BEND7: variants seen among roughly 807,000 people sequenced by gnomAD.
BEND7 encodes BEN domain containing 7, also known as BEN domain-containing protein 7.
Under a neutral mutation model 50.9 loss-of-function variants are expected in BEND7, and 28 were observed. The ratio of observed to expected loss-of-function variants is 0.55; its 90% CI spans 0.41 to 0.75. The LOEUF (loss-of-function observed/expected upper bound fraction) is 0.75, where lower values mean the gene tolerates loss of function less well. Ranked by LOEUF, BEND7 falls within the 30% of genes least tolerant of loss-of-function variation. BEND7 has a pLI of 0.00. For synonymous variants in BEND7, 170 were observed against 183.9 expected, an observed-to-expected ratio of 0.92 and a Z score of 0.61; for missense variants, 477 against 491.3, an observed-to-expected ratio of 0.97 and a Z score of 0.28.
At chr10:13,485,005 TG>T (rs749013262) in intron 5 of BEND7, among the ~76,000 whole-genome samples, 36 of 152,314 alleles carry the variant, frequency 2.4e-4, no homozygotes, top group Non-Finnish European at 4.1e-4. Context: ...GCATTTCAAC[TG>T]TGGTCTCCCT....
chr10:13,474,724 G>A (rs1030848658), intron 6 of BEND7, among the ~76,000 whole-genome samples: 7 of 152,068 alleles, frequency 4.6e-5, no homozygotes, highest in Non-Finnish European at 8.8e-5. Context: ...ATCAGTGTTG[G>A]ACTCGGGTCG....
intron 6 of BEND7, among the ~76,000 whole-genome samples, chr10:13,463,469 C>G (rs558315869): frequency 1.3e-5 from 2 of 152,214 alleles, no homozygotes; most frequent in South Asian, 4.2e-4. Flanking sequence ...GTGAGAGGAG[C>G]TCAGACTATG....
At position 13,455,045 on chromosome 10, in the gene BEND7, G is replaced by A. The variant is rs144218359; in HGVS notation, c.1064-2387C>T. Among the ~76,000 whole-genome samples, 1,208 of 152,194 alleles carry A rather than the reference G, an allele frequency of 7.9e-3. 5 individuals carry two copies. Among genetic ancestry groups the A allele is most frequent in the Non-Finnish European group, 0.013 (905 of 68,008 alleles). On this transcript the variant is annotated intron_variant, in intron 6 of 8. Coordinates refer to ENST00000466271, the MANE Select transcript of BEND7 (RefSeq NM_001369863.1). The stretch of plus-strand genomic sequence containing the variant: ...ACATTAGCCGGGCATGGTGGCACGC[G>A]CCTGCAGTCCCAGCTACTCAGAAGG...
At position 13,496,740 on chromosome 10, in the gene BEND7, C is replaced by T. The variant is rs753617899; in HGVS notation, c.571+26G>A. On this transcript the variant is annotated intron_variant, in intron 4 of 8. Transcript: ENST00000466271. ...CAGATATGCATTAAAAATCAAAGGA[C>T]TCATTCCGAGGCCTGATCCTTGTAC... 3.7e-6 allele frequency: 6 copies of T among 1,603,220 alleles called. No individual in the cohort carries two copies. In the South Asian group the frequency reaches 6.8e-5, roughly 18 times the overall value.
chr10:13,501,064 G>A (rs570441506), intron 2 of BEND7, among the ~76,000 whole-genome samples: 1 of 152,330 alleles, frequency 6.6e-6, no homozygotes, highest in East Asian at 1.9e-4. Context: ...AAAGATGTCT[G>A]TAATATTGCA....
At chr10:13,480,388 G>A (rs907436808) in intron 6 of BEND7, among the ~76,000 whole-genome samples, 7 of 152,266 alleles carry the variant, frequency 4.6e-5, no homozygotes, top group East Asian at 1.9e-4. Flanking sequence ...GGAGAAGAGC[G>A]GGCCAGGCAT....
intron 2 of BEND7, among the ~76,000 whole-genome samples, chr10:13,514,484 CTTT>C: frequency 6.6e-6 from 1 of 152,318 alleles, no homozygotes; most frequent in East Asian, 1.9e-4. Flanking sequence ...TCTCCATCTT[CTTT>C]CCAGTTCATT....
intron 2 of BEND7, among the ~76,000 whole-genome samples, chr10:13,512,316 T>C (rs905157384): frequency 6.6e-6 from 1 of 152,128 alleles, no homozygotes; most frequent in Non-Finnish European, 1.5e-5. Context: ...GCCTGTTAGT[T>C]CTACAAAAGC....
intron 7 of BEND7, 152 bp from the exon 8 acceptor site, chr10:13,447,468 G>T: frequency 1.8e-5 from 9 of 498,538 alleles, no homozygotes; most frequent in Non-Finnish European, 2.8e-5. Context: ...TCATATTACA[G>T]ATGTTAATAT....
chr10:13,519,580 A>C (rs1198525274), intron 2 of BEND7, among the ~76,000 whole-genome samples: 1 of 152,230 alleles, frequency 6.6e-6, no homozygotes, highest in East Asian at 1.9e-4. Context: ...CAGTTTGAAA[A>C]AGCGTTTTAC....
At chr10:13,513,227 C>T (rs2078413539) in intron 2 of BEND7, among the ~76,000 whole-genome samples, 1 of 152,158 alleles carries the variant, frequency 6.6e-6, no homozygotes, top group African/African-American at 2.4e-5. Flanking sequence ...GTGTGCAAAA[C>T]ATTGCCTTCA....
chr10:13,450,962 C>T (rs897267511), intron 7 of BEND7, among the ~76,000 whole-genome samples: 19 of 151,984 alleles, frequency 1.3e-4, no homozygotes, highest in African/African-American at 4.1e-4. Flanking sequence ...CTACTGCATG[C>T]GTGCCTGCTT....
At chr10:13,498,150 A>G (rs558906206) in intron 3 of BEND7, among the ~76,000 whole-genome samples, 24 of 139,488 alleles carry the variant, frequency 1.7e-4, no homozygotes, top group Middle Eastern at 3.9e-3. Context: ...ATCTTGGTTC[A>G]CTGCAACCCC....
intron 5 of BEND7, among the ~76,000 whole-genome samples, chr10:13,481,493 A>C (rs777644597): frequency 2.0e-5 from 3 of 152,228 alleles, no homozygotes; most frequent in Non-Finnish European, 4.4e-5. Context: ...CATAAAAAAA[A>C]AGATTGAGAA....
At chr10:13,443,438 C>T (rs772766516) in intron 8 of BEND7, 8 of 152,794 alleles carry the variant, frequency 5.2e-5, no homozygotes, top group South Asian at 4.1e-4. Context: ...GGCGGAGAGC[C>T]GCTTCTCTAA....
intron 7 of BEND7, among the ~76,000 whole-genome samples, 190 bp downstream of exon 7, chr10:13,452,349 A>C (rs1487385298): frequency 2.0e-5 from 3 of 152,208 alleles, no homozygotes; most frequent in Non-Finnish European, 4.4e-5. Context: ...CATAATTTTT[A>C]CTATTTAGTC....
Position 13,452,499 on chromosome 10 carries a change from T to TA in BEND7, c.1183+39dup, listed in dbSNP as rs773420559. On this transcript the variant is annotated intron_variant, in intron 7 of 8. Coordinates refer to ENST00000466271, the MANE Select transcript of BEND7 (RefSeq NM_001369863.1). ...GTACTTTATAAAGTCTAAGAATTCA[T>TA]AAGTGCTTCTCCAATTATTTTTCTG... The TA allele has an allele frequency of 5.7e-6, 9 of 1,572,014 alleles. No individual in the cohort carries two copies. The Admixed American group carries it at 1.7e-4, about 30-fold the overall frequency.
chr10:13,457,331 C>A (rs1564525381), intron 6 of BEND7, among the ~76,000 whole-genome samples: 1 of 152,204 alleles, frequency 6.6e-6, no homozygotes, highest in East Asian at 1.9e-4. Context: ...CCTTTCTAGT[C>A]CAACCTTGAG....
chr10:13,440,430 T>C (rs540776623), downstream of BEND7, among the ~76,000 whole-genome samples: 34 of 152,344 alleles, frequency 2.2e-4, no homozygotes, highest in African/African-American at 7.7e-4. Flanking sequence ...TGTGGCTCCC[T>C]GCCCAGGTGC....
Sources: gnomAD v4.1 joint callset for allele counts (sites outside exome capture counted in the v4.1 genomes callset) on GRCh38, gnomAD v4.1.1 for gene constraint, MANE v1.5 for transcripts, NCBI Gene and HGNC (gene_info 2026-07-23, HGNC 2026-07-21) for gene names.